ANK1: variants seen among roughly 807,000 people sequenced by gnomAD.
The protein encoded by ANK1 is ankyrin-1.
In ANK1, 51 loss-of-function variants were observed where a neutral mutation model predicts 210.4. The observed-to-expected ratio is 0.24, with a 90% CI of 0.19 to 0.31. The LOEUF is 0.31. ANK1 is among the 10% of genes least tolerant of loss of function. ANK1 has a pLI of 1.00. For synonymous variants in ANK1, 967 were observed against 1,025.9 expected (o/e 0.94, Z 1.10); for missense variants, 2,051 against 2,504.4 (o/e 0.82, Z 3.86).
rs574444349 is a variant in ANK1, at chr8:41,875,768, G to A, written c.126+20587C>T. Among the ~76,000 whole-genome samples, 13 of 152,304 alleles carry A rather than the reference G, an allele frequency of 8.5e-5. No individual in the cohort carries two copies. The South Asian group carries it at 2.7e-3, about 32-fold the overall frequency. ...CCCACTTAACACCACTGCACTGTGG[G>A]CGCCATTTTTCCCCGGACAGCCACA... On this transcript the variant is annotated intron_variant, in intron 1 of 42. Transcript: ENST00000265709.
intron 1 of ANK1, among the ~76,000 whole-genome samples, chr8:41,771,978 T>C (rs2150734963): frequency 6.6e-6 from 1 of 152,160 alleles, no homozygotes; most frequent in East Asian, 1.9e-4. Flanking sequence ...CGACTCTGCC[T>C]CCCCAGGATG....
chr8:41,822,024 T>C (rs866136386), intron 1 of ANK1, among the ~76,000 whole-genome samples: 2 of 147,560 alleles, frequency 1.4e-5, no homozygotes, highest in African/African-American at 5.0e-5. Context: ...CACTCCAGCC[T>C]GGGCCACAGA....
At chr8:41,778,292 C>T (rs184471935) in intron 1 of ANK1, among the ~76,000 whole-genome samples, 76 of 152,248 alleles carry the variant, frequency 5.0e-4, no homozygotes, top group South Asian at 1.0e-3. Flanking sequence ...TCAAGAGATG[C>T]CCCAAGACAG....
intron 38 of ANK1, among the ~76,000 whole-genome samples, chr8:41,672,049 C>T (rs996953446): frequency 6.6e-6 from 1 of 151,076 alleles, no homozygotes; most frequent in Non-Finnish European, 1.5e-5. Context: ...TGAGCTCTCC[C>T]GGTGCCCTAA....
chr8:41,792,938 T>A (rs1848041087), intron 1 of ANK1, among the ~76,000 whole-genome samples: 1 of 152,360 alleles, frequency 6.6e-6, no homozygotes, highest in East Asian at 1.9e-4. Flanking sequence ...GGCACTGTGC[T>A]AAGTGCCAAG....
intron 1 of ANK1, among the ~76,000 whole-genome samples, chr8:41,874,242 G>C (rs1816135596): frequency 6.6e-6 from 1 of 152,230 alleles, no homozygotes; most frequent in African/African-American, 2.4e-5. Context: ...TTGTTGGACT[G>C]CAGCTACAAC....
intron 1 of ANK1, among the ~76,000 whole-genome samples, chr8:41,852,978 C>G (rs1178745015): frequency 3.9e-5 from 6 of 152,180 alleles, no homozygotes; most frequent in Non-Finnish European, 8.8e-5. Flanking sequence ...CTTCTTTGTC[C>G]ATATGTGGTG....
chr8:41,884,316 C>A (rs898830874), intron 1 of ANK1, among the ~76,000 whole-genome samples: 1 of 152,150 alleles, frequency 6.6e-6, no homozygotes, highest in Admixed American at 6.5e-5. Context: ...CCATTGCACT[C>A]CAGCCTGGGC....
At chr8:41,823,034 G>A (rs1199778153) in intron 1 of ANK1, among the ~76,000 whole-genome samples, 4 of 152,224 alleles carry the variant, frequency 2.6e-5, no homozygotes, top group African/African-American at 4.8e-5. Context: ...GAGCATGAGC[G>A]GAGGCAGAAG....
intron 42 of ANK1, among the ~76,000 whole-genome samples, chr8:41,659,231 G>C (rs1037148534): frequency 3.9e-5 from 6 of 152,176 alleles, no homozygotes; most frequent in Non-Finnish European, 8.8e-5. Context: ...CAGCACTTCA[G>C]CACTGCCCTC....
At chr8:41,871,693 A>G (rs556006538) in intron 1 of ANK1, among the ~76,000 whole-genome samples, 136 of 152,284 alleles carry the variant, frequency 8.9e-4, no homozygotes, top group African/African-American at 3.1e-3. Context: ...TCCAGCCTCC[A>G]TGAGAGGGAG....
At chr8:41,685,913 C>T (rs1311459457) in intron 36 of ANK1, among the ~76,000 whole-genome samples, 3 of 152,224 alleles carry the variant, frequency 2.0e-5, no homozygotes, top group Admixed American at 1.3e-4. Flanking sequence ...CTGTGCCAGG[C>T]CTTGCAATTT....
chr8:41,828,539 C>T (rs1805942303), intron 1 of ANK1: 2 of 154,314 alleles, frequency 1.3e-5, no homozygotes, highest in Admixed American at 1.3e-4. Context: ...GAGCGAGTCT[C>T]CTCCTCGGCG....
intron 1 of ANK1, among the ~76,000 whole-genome samples, chr8:41,866,438 C>T (rs914990636): frequency 3.9e-5 from 6 of 151,998 alleles, no homozygotes; most frequent in Admixed American, 3.9e-4. Flanking sequence ...AAGTAATCCT[C>T]CTGCCTTGGC....
chr8:41,834,742 G>A (rs1225118262), intron 1 of ANK1, among the ~76,000 whole-genome samples: 1 of 152,226 alleles, frequency 6.6e-6, no homozygotes, highest in Non-Finnish European at 1.5e-5. Flanking sequence ...GGGGCCCTGG[G>A]GAGGGATTCC....
At chr8:41,689,513 T>C (rs1218137012) in intron 33 of ANK1, among the ~76,000 whole-genome samples, 1 of 152,180 alleles carries the variant, frequency 6.6e-6, no homozygotes, top group Non-Finnish European at 1.5e-5. Flanking sequence ...GACTTATGAA[T>C]GTAACCTTGC....
At chr8:41,696,845 G>A (rs1288603673) in intron 24 of ANK1, 72 bp from the exon 25 acceptor site, 1 of 1,424,408 alleles carries the variant, frequency 7.0e-7, no homozygotes, top group Non-Finnish European at 9.7e-7. Context: ...AGGGCGTGGA[G>A]GCTTGGAAGA....
At chr8:41,662,603 C>T (rs951983316) in intron 40 of ANK1, among the ~76,000 whole-genome samples, 10 of 152,304 alleles carry the variant, frequency 6.6e-5, no homozygotes, top group African/African-American at 2.4e-4. Flanking sequence ...TTTCACCCAC[C>T]CATTCCCGTA....
intron 1 of ANK1, among the ~76,000 whole-genome samples, chr8:41,795,215 T>C (rs111661559): frequency 0.018 from 2,770 of 152,128 alleles, 30 homozygotes; most frequent in African/African-American, 0.025. Flanking sequence ...GCAACCTGGG[T>C]TTAAAAACTA....
Sources: allele counts gnomAD v4.1 joint callset (sites outside exome capture counted in the v4.1 genomes callset), GRCh38; gene constraint gnomAD v4.1.1; transcripts MANE v1.5; gene names NCBI Gene and HGNC (gene_info 2026-07-23, HGNC 2026-07-21).